ABR: variants seen among roughly 807,000 people sequenced by gnomAD.
The protein encoded by ABR is active breakpoint cluster region-related protein.
ABR carries 35 observed loss-of-function variants against 107.2 expected under a neutral mutation model. The ratio of observed to expected loss-of-function variants is 0.33; its 90% CI spans 0.25 to 0.43. ABR has a LOEUF of 0.43. ABR is among the 20% of genes least tolerant of loss of function. ABR has a pLI of 1.00. For missense variants in ABR, 815 were observed against 1,115.2 expected, an observed-to-expected ratio of 0.73 and a Z score of 3.83; for synonymous variants, 498 against 462.0, an observed-to-expected ratio of 1.08 and a Z score of -1.00.
chr17:1,031,536 CCCCCGAGCCCCGCAGCGCCCCCGAG>C, intron 16 of ABR: 1 of 398,236 alleles, frequency 2.5e-6, no homozygotes, highest in Non-Finnish European at 4.1e-6. Context: ...CCCCCGCAGC[CCCCCGAGCCCCGCAGCGCCCCCGAG>C]CCCCCACCCC....
intron 6 of ABR, among the ~76,000 whole-genome samples, chr17:1,076,714 C>CGGGGG (rs376868048): frequency 6.4e-4 from 27 of 42,128 alleles, no homozygotes; most frequent in African/African-American, 3.5e-3. Flanking sequence ...GGCAGGTGCA[C>CGGGGG]GGGGGGGGTG....
At chr17:1,105,471 C>T (rs1319926360) in intron 2 of ABR, among the ~76,000 whole-genome samples, 1 of 152,094 alleles carries the variant, frequency 6.6e-6, no homozygotes, top group East Asian at 1.9e-4. Flanking sequence ...ACGTGGGGCC[C>T]GCACTTAGAA....
At chr17:1,095,863 C>T (rs562273183) in intron 3 of ABR, among the ~76,000 whole-genome samples, 1 of 152,370 alleles carries the variant, frequency 6.6e-6, no homozygotes, top group East Asian at 1.9e-4. Flanking sequence ...GCCATGCCAC[C>T]CGAGTCACTC....
At chr17:1,080,810 G>A (rs1327855576) in intron 5 of ABR, among the ~76,000 whole-genome samples, 1 of 152,158 alleles carries the variant, frequency 6.6e-6, no homozygotes. Flanking sequence ...GTCTCTGGCT[G>A]GTGCCTGGAC....
intron 2 of ABR, among the ~76,000 whole-genome samples, chr17:1,116,493 C>T (rs773582849): frequency 6.6e-6 from 1 of 152,082 alleles, no homozygotes; most frequent in Non-Finnish European, 1.5e-5. Flanking sequence ...CCAGACAGGG[C>T]GTGAGAGCTG....
At chr17:1,223,602 A>G (rs1423399934) in intron 1 of ABR, among the ~76,000 whole-genome samples, 1 of 152,128 alleles carries the variant, frequency 6.6e-6, no homozygotes, top group Non-Finnish European at 1.5e-5. Flanking sequence ...CAGCACCTGT[A>G]TTTGTCCGTG....
At chr17:1,196,796 G>A (rs2150708268) in intron 1 of ABR, among the ~76,000 whole-genome samples, 1 of 151,774 alleles carries the variant, frequency 6.6e-6, no homozygotes, top group African/African-American at 2.4e-5. Flanking sequence ...CCGGGTTCAT[G>A]CCATTCTCCT....
At chr17:1,123,069 C>G in intron 2 of ABR, among the ~76,000 whole-genome samples, 1 of 152,164 alleles carries the variant, frequency 6.6e-6, no homozygotes, top group East Asian at 1.9e-4. Context: ...AAAACATCCC[C>G]AAGTACTCAG....
chr17:1,011,073 T>G lies in ABR; in HGVS notation c.2102-210A>C. On this transcript the variant is annotated intron_variant, in intron 19 of 22. Transcript: ENST00000302538. The surrounding 1 kb of genome is among the most constrained non-coding windows in gnomAD (Gnocchi z 4.8). Reference sequence around the variant, plus strand: ...AGGGAGAGATAGCCTGGGGGCCATCTGCTGTGGCTGCTTGGGAAAGGGTGT... The same window carrying G: ...AGGGAGAGATAGCCTGGGGGCCATCGGCTGTGGCTGCTTGGGAAAGGGTGT... The G allele has an allele frequency of 1.7e-6, 1 of 595,514 alleles. No homozygotes were observed. Among genetic ancestry groups the G allele is most frequent in the Non-Finnish European group, 2.9e-6 (1 of 339,542 alleles). The allele number at this position is 595,514 out of a possible 1,614,324, so 36.9% of individuals were successfully genotyped here.
intron 16 of ABR, among the ~76,000 whole-genome samples, chr17:1,043,074 G>A (rs2030922377): frequency 6.6e-6 from 1 of 152,190 alleles, no homozygotes; most frequent in African/African-American, 2.4e-5. Context: ...ATGGGGATGG[G>A]GTTTCGGCTG....
upstream of ABR, among the ~76,000 whole-genome samples, chr17:1,187,554 T>C (rs953068807): frequency 6.6e-6 from 1 of 152,208 alleles, no homozygotes; most frequent in Admixed American, 6.5e-5. Flanking sequence ...AGGAGTGACA[T>C]GGGGAGAATG....
In ABR at chr17:1,091,740, C is replaced by T. The variant is rs1335034528; in HGVS notation, c.456G>A (p.Glu152=). 2 of 1,614,078 alleles carry T rather than the reference C, an allele frequency of 1.2e-6. No individual in the cohort carries two copies. Among genetic ancestry groups the T allele is most frequent in the African/African-American group, 1.3e-5 (1 of 74,934 alleles). ...KIQDIYEIHK[E]FYDNLCPKVQ... ...CCTTGGGGCACAGGTTGTCATAGAA[C>T]TCCTTGTGGATCTCATAGATGTCCT... The change falls in exon 4 of 23, where the codon GAG becomes GAA. Residue 152 remains glutamate, a synonymous_variant. Transcript: ENST00000302538.
At chr17:1,062,707 A>G (rs28491106) in intron 10 of ABR, among the ~76,000 whole-genome samples, 73 of 56,114 alleles carry the variant, frequency 1.3e-3, no homozygotes, top group East Asian at 4.4e-3. Flanking sequence ...AGACACTGCT[A>G]TTATGTGAAC....
At chr17:1,171,895 A>G (rs1482538535) in intron 1 of ABR, among the ~76,000 whole-genome samples, 1 of 152,172 alleles carries the variant, frequency 6.6e-6, no homozygotes, top group Non-Finnish European at 1.5e-5. Context: ...GCACCACTGC[A>G]CTCCAGCCTG....
chr17:1,139,365 C>A (rs1359952189), intron 1 of ABR, among the ~76,000 whole-genome samples: 4 of 152,174 alleles, frequency 2.6e-5, no homozygotes, highest in South Asian at 2.1e-4. Flanking sequence ...CATTCTCCTG[C>A]CTCAGCCTCC....
intron 1 of ABR, among the ~76,000 whole-genome samples, chr17:1,219,042 T>TTTGG (rs1430279124): frequency 6.2e-5 from 9 of 145,392 alleles, no homozygotes; most frequent in Non-Finnish European, 1.4e-4. Context: ...TATCTGTTTG[T>TTTGG]TTGTTTGTTT....
At chr17:1,033,197 C>T (rs1229462820) in intron 16 of ABR, among the ~76,000 whole-genome samples, 2 of 152,302 alleles carry the variant, frequency 1.3e-5, no homozygotes, top group South Asian at 2.1e-4. Flanking sequence ...GACGAGCCCT[C>T]GGCATCCGGC....
intron 16 of ABR, among the ~76,000 whole-genome samples, chr17:1,033,338 A>C (rs1183349049): frequency 6.6e-6 from 1 of 152,202 alleles, no homozygotes; most frequent in African/African-American, 2.4e-5. Context: ...ACCAGGCATC[A>C]TGGATTAAGT....
chr17:1,120,117 A>C (rs2039282546), intron 2 of ABR, among the ~76,000 whole-genome samples: 1 of 152,098 alleles, frequency 6.6e-6, no homozygotes, highest in South Asian at 2.1e-4. Flanking sequence ...TGTAATGTGG[A>C]GATGGTTATA....
Sources: allele counts gnomAD v4.1 joint callset (sites outside exome capture counted in the v4.1 genomes callset), GRCh38; gene constraint gnomAD v4.1.1; non-coding constraint Gnocchi (gnomAD v3.1); transcripts MANE v1.5; gene names NCBI Gene and HGNC (gene_info 2026-07-23, HGNC 2026-07-21).